The following PIK3C2B variants were observed in gnomAD, a reference collection of about 807,000 sequenced individuals.
The protein encoded by PIK3C2B is phosphatidylinositol 4-phosphate 3-kinase C2 domain-containing subunit beta.
Under a neutral mutation model 184.3 loss-of-function variants are expected in PIK3C2B, and 83 were observed. The observed-to-expected ratio is 0.45, with a 90% confidence interval of 0.38 to 0.54. The LOEUF (loss-of-function observed/expected upper bound fraction) is 0.54, where lower values mean the gene tolerates loss of function less well. PIK3C2B is among the 20% of genes least tolerant of loss of function. PIK3C2B has a pLI of 0.00. For synonymous variants in PIK3C2B, 779 were observed against 837.6 expected, an observed-to-expected ratio of 0.93 and a Z score of 1.21; for missense variants, 1,736 against 2,113.5, an observed-to-expected ratio of 0.82 and a Z score of 3.50.
chr1:204,486,186 G>A lies in PIK3C2B; in HGVS notation c.-85+8170C>T, dbSNP rs1261775124. ...CGAGGCGGGCGGATCACCAGAGGTCGGGAATTCCAGATCAGCCTGGCTAAC... is the reference window on the plus strand; with the variant it reads ...CGAGGCGGGCGGATCACCAGAGGTCAGGAATTCCAGATCAGCCTGGCTAAC... On this transcript the variant is annotated intron_variant, in intron 1 of 32. Transcript: ENST00000684373. Among the ~76,000 whole-genome samples, 9 of 151,924 alleles carry A rather than the reference G, an allele frequency of 5.9e-5. 1 individual carries two copies. Among genetic ancestry groups the A allele is most frequent in the East Asian group, 1.9e-4 (1 of 5,162 alleles).
intron 1 of PIK3C2B, among the ~76,000 whole-genome samples, chr1:204,480,628 G>A (rs1657046577): frequency 6.6e-6 from 1 of 151,970 alleles, no homozygotes; most frequent in South Asian, 2.1e-4. Context: ...TGGGGAGGAT[G>A]GGGGTGACTG....
chr1:204,427,539 G>A, intron 31 of PIK3C2B, 109 bp downstream of exon 31: 1 of 729,264 alleles, frequency 1.4e-6, no homozygotes, highest in Non-Finnish European at 2.5e-6. Flanking sequence ...TGGATGCTCA[G>A]TAGACTGTGG....
chr1:204,439,158 C>A, intron 22 of PIK3C2B, 87 bp from the exon 23 acceptor site: 1 of 1,364,610 alleles, frequency 7.3e-7, no homozygotes, highest in Non-Finnish European at 1.0e-6. Flanking sequence ...CTCATGCTTC[C>A]CTATAAATTA....
chr1:204,447,475 C>T lies in PIK3C2B; in HGVS notation c.2450G>A (p.Arg817His), dbSNP rs565159968. The change falls in exon 15 of 33, where the codon CGC becomes CAC. Residue 817 changes from arginine to histidine, a missense_variant. Physicochemically the swap from Arg to His is conservative, Grantham distance 29. Around this residue, in one of 8 missense-constraint regions of PIK3C2B, gnomAD observed 609 missense variants for 699.2 expected, o/e 0.87. Coordinates refer to ENST00000684373, the MANE Select transcript of PIK3C2B (RefSeq NM_001377334.1). The surrounding 1 kb of genome is among the most constrained non-coding windows in gnomAD (Gnocchi z 4.1). The part of the protein sequence containing the change: ...EFGSLREEDQ[R>H]KLKDIMQKES... ...TTTCTGCATGATGTCTTTAAGCTTG[C>T]GCTGGTCTTCTTCCCGGAGGCTGCC... The T allele has an allele frequency of 1.9e-4, 313 of 1,613,806 alleles. 5 individuals carry two copies. In the South Asian group the frequency reaches 2.2e-3, roughly 11 times the overall value.
At position 204,430,017 on chromosome 1, in the gene PIK3C2B, G is replaced by A. The variant is rs146298966; in HGVS notation, c.4302C>T (p.Ile1434=). The A allele has an allele frequency of 1.2e-5, 20 of 1,609,536 alleles. No homozygotes were observed. Among genetic ancestry groups the A allele is most frequent in the Middle Eastern group, 1.6e-4 (1 of 6,084 alleles). Residue 1434 remains isoleucine, a synonymous_variant, in exon 29 of 33, where the codon ATC becomes ATT. Transcript: ENST00000684373. The stretch of plus-strand genomic sequence containing the variant: ...CCACCGCCTCTCCCCGGGAGCGGCC[G>A]ATCACGAAGCGACTAGGGAAGCTGG... ...HLPSFPSRFV[I]GRSRGEAVAE... is the part of the protein sequence containing the mutation.
chr1:204,473,499 G>C lies in PIK3C2B; in HGVS notation c.-84-3613C>G, dbSNP rs199906967. ...CTAGCTGCCTGGAGCTGGGAGACTAGTCCCAGGAAAAGGAGGGCCTAGTGC... is the reference window on the plus strand; with the variant it reads ...CTAGCTGCCTGGAGCTGGGAGACTACTCCCAGGAAAAGGAGGGCCTAGTGC... On this transcript the variant is annotated intron_variant, in intron 1 of 32. Coordinates refer to ENST00000684373, the MANE Select transcript of PIK3C2B (RefSeq NM_001377334.1). Among the ~76,000 whole-genome samples, 3 of 152,360 alleles carry C rather than the reference G, an allele frequency of 2.0e-5. No individual in the cohort carries two copies. In the East Asian group the frequency reaches 5.8e-4, roughly 29 times the overall value.
chr1:204,437,197 TA>T (rs555162359), intron 23 of PIK3C2B, among the ~76,000 whole-genome samples: 18 of 144,728 alleles, frequency 1.2e-4, no homozygotes, highest in South Asian at 2.2e-4. Context: ...TATCCACACT[TA>T]AAAAAAAAAA....
chr1:204,425,128 G>T, intron 32 of PIK3C2B, 88 bp from the exon 33 acceptor site: 1 of 1,081,010 alleles, frequency 9.3e-7, no homozygotes, highest in Non-Finnish European at 1.4e-6. Context: ...GGTAAAGTCT[G>T]TTGGGGGCTG....
In PIK3C2B at chr1:204,431,799, A is replaced by C; in HGVS notation, c.4156-6T>G. 1.2e-6 allele frequency: 2 copies of C among 1,614,184 alleles called. No homozygotes were observed. The highest frequency in any genetic ancestry group is 1.7e-6 in the Non-Finnish European group (2 of 1,180,022). On this transcript the variant is annotated splice_region_variant and splice_polypyrimidine_tract_variant and intron_variant, in intron 27 of 32. Transcript: ENST00000684373. The stretch of plus-strand genomic sequence containing the variant: ...ATCACCTTTACCACATATATCTGCA[A>C]AGGTCCAGATCTTAGGGTGTACCTG...
At chr1:204,491,806 A>G (rs1658032149) in intron 1 of PIK3C2B, among the ~76,000 whole-genome samples, 1 of 152,214 alleles carries the variant, frequency 6.6e-6, no homozygotes, top group Non-Finnish European at 1.5e-5. Flanking sequence ...TCTATCATTT[A>G]CTAGCTGGCT....
chr1:204,425,628 A>T lies in PIK3C2B; in HGVS notation c.4701T>A (p.Pro1567=). The change falls in exon 32 of 33, where the codon CCT becomes CCA. Residue 1567 remains proline, a synonymous_variant. Coordinates refer to ENST00000684373, the MANE Select transcript of PIK3C2B (RefSeq NM_001377334.1). ...CCCCACCCACCATCTCATTGTAGGTAGGATTGCAGGTTTTCCGGGCCACTT... is the reference window on the plus strand; with the variant it reads ...CCCCACCCACCATCTCATTGTAGGTTGGATTGCAGGTTTTCCGGGCCACTT... ...KTKVARKTCN[P]TYNEMLVYDG... 1 of 1,614,048 alleles carries T rather than the reference A, an allele frequency of 6.2e-7. No homozygotes were observed. The highest frequency in any genetic ancestry group is 1.1e-5 in the South Asian group (1 of 91,070).
At chr1:204,451,284 C>T (rs1229099779) in intron 12 of PIK3C2B, among the ~76,000 whole-genome samples, 3 of 152,344 alleles carry the variant, frequency 2.0e-5, no homozygotes, top group Middle Eastern at 3.4e-3. Flanking sequence ...TGGTCCTGAG[C>T]CCTTTCTTTT....
intron 24 of PIK3C2B, among the ~76,000 whole-genome samples, chr1:204,434,233 G>C (rs1675222614): frequency 1.3e-5 from 2 of 152,202 alleles, no homozygotes; most frequent in South Asian, 2.1e-4. Context: ...CCTTGGTAGG[G>C]AAGAACAGCT....
intron 15 of PIK3C2B, among the ~76,000 whole-genome samples, chr1:204,446,461 A>C (rs1395785779): frequency 6.6e-6 from 1 of 152,210 alleles, no homozygotes; most frequent in East Asian, 1.9e-4. Context: ...CTTTGATCCC[A>C]ACTCAGGGAC....
chr1:204,443,837 T>C (rs1333119928), intron 18 of PIK3C2B, among the ~76,000 whole-genome samples: 1 of 152,220 alleles, frequency 6.6e-6, no homozygotes, highest in Non-Finnish European at 1.5e-5. Context: ...GTTTCTCCTT[T>C]CTATTTCTGC....
chr1:204,437,047 G>T (rs568078440), intron 23 of PIK3C2B, among the ~76,000 whole-genome samples: 12 of 152,324 alleles, frequency 7.9e-5, no homozygotes, highest in Admixed American at 2.0e-4. Flanking sequence ...GCATGATCTA[G>T]CTAGTAACCT....
chr1:204,450,504 G>A (rs1004930960), intron 12 of PIK3C2B, among the ~76,000 whole-genome samples: 3 of 151,690 alleles, frequency 2.0e-5, no homozygotes, highest in East Asian at 1.9e-4. Flanking sequence ...CTCTGCCCTC[G>A]GTTCACCCTC....
intron 29 of PIK3C2B, among the ~76,000 whole-genome samples, chr1:204,429,468 A>G (rs760803372): frequency 1.4e-4 from 22 of 152,194 alleles, no homozygotes; most frequent in Non-Finnish European, 2.9e-4. Context: ...TCATGCTTGC[A>G]TATGGACAAA....
intron 2 of PIK3C2B, among the ~76,000 whole-genome samples, chr1:204,466,151 A>C (rs1012234362): frequency 2.6e-5 from 4 of 152,208 alleles, no homozygotes; most frequent in African/African-American, 9.6e-5. Context: ...GGGAGAAGGA[A>C]GTGAGGGGGA....
Sources: allele counts gnomAD v4.1 joint callset (sites outside exome capture counted in the v4.1 genomes callset), GRCh38; gene constraint gnomAD v4.1.1; regional missense constraint gnomAD v4.1.1; non-coding constraint Gnocchi (gnomAD v3.1); transcripts MANE v1.5; gene names NCBI Gene and HGNC (gene_info 2026-07-23, HGNC 2026-07-21).